Variants in SH3D19 observed in about 807,000 individuals in gnomAD.
The protein encoded by SH3D19 is SH3 domain-containing protein 19.
SH3D19 carries 58 observed loss-of-function variants against 112.1 expected under a neutral mutation model. The observed-to-expected ratio is 0.52, with a 90% CI of 0.42 to 0.64. The LOEUF (loss-of-function observed/expected upper bound fraction) is 0.64. SH3D19 is among the 30% of genes least tolerant of loss of function. SH3D19 has a pLI of 0.00. For synonymous variants in SH3D19, 391 were observed against 448.5 expected (o/e 0.87, Z 1.62); for missense variants, 1,090 against 1,263.4 (o/e 0.86, Z 2.08).
intron 9 of SH3D19, among the ~76,000 whole-genome samples, chr4:151,157,280 G>T (rs1033796881): frequency 5.3e-5 from 8 of 151,418 alleles, no homozygotes; most frequent in South Asian, 2.1e-4. Context: ...AACGGCAAAT[G>T]ATCTGGGTAT....
In SH3D19 at chr4:151,120,415, A is replaced by C. The variant is rs1174801678; in HGVS notation, c.*1676T>G. 1 of 152,620 alleles carries C rather than the reference A, an allele frequency of 6.6e-6. No individual in the cohort carries two copies. The highest frequency in any genetic ancestry group is 1.9e-4 in the East Asian group (1 of 5,198). The allele number at this position is 152,620 out of a possible 1,614,324, so 9.5% of individuals were successfully genotyped here. On this transcript the variant is annotated 3_prime_UTR_variant, in exon 20 of 20. Transcript: ENST00000604030. ...ATAAAGATAGGTTTTCAGAATCTTC[A>C]ATATAAGATGTTAAAATTATAAAGG... is the stretch of plus-strand genomic sequence containing the variant.
chr4:151,202,469 G>C (rs1764532735), intron 2 of SH3D19, among the ~76,000 whole-genome samples: 1 of 152,204 alleles, frequency 6.6e-6, no homozygotes, highest in Non-Finnish European at 1.5e-5. Context: ...TTTTAGAACT[G>C]GTGTGGCACT....
At chr4:151,159,083 A>G (rs1012959106) in intron 9 of SH3D19, among the ~76,000 whole-genome samples, 157 bp downstream of exon 9, 1 of 152,216 alleles carries the variant, frequency 6.6e-6, no homozygotes, top group African/African-American at 2.4e-5. Flanking sequence ...ATTGAACACT[A>G]TATTATATAA....
chr4:151,274,325 C>T (rs1773431446), intron 1 of SH3D19, among the ~76,000 whole-genome samples: 1 of 152,118 alleles, frequency 6.6e-6, no homozygotes, highest in African/African-American at 2.4e-5. Flanking sequence ...TGAGATATAG[C>T]AAACCTGGCA....
chr4:151,226,323 A>G (rs1022521777), intron 1 of SH3D19: 2 of 1,173,888 alleles, frequency 1.7e-6, no homozygotes, highest in Non-Finnish European at 2.1e-6. Context: ...AAAATGCATC[A>G]TTACATGCAT....
intron 18 of SH3D19, 65 bp downstream of exon 18, chr4:151,128,105 T>C: frequency 5.3e-6 from 7 of 1,331,864 alleles, no homozygotes; most frequent in Non-Finnish European, 7.1e-6. Context: ...GAAAGGAATG[T>C]ATATAGTTTT....
At chr4:151,321,891 C>T (rs1397102423) in intron 1 of SH3D19, among the ~76,000 whole-genome samples, 1 of 152,164 alleles carries the variant, frequency 6.6e-6, no homozygotes. Flanking sequence ...TCCTCTCTTC[C>T]TTGTTTGTAA....
intron 1 of SH3D19, among the ~76,000 whole-genome samples, chr4:151,258,731 G>C (rs377168074): frequency 6.6e-6 from 1 of 152,184 alleles, no homozygotes; most frequent in African/African-American, 2.4e-5. Context: ...GATCTGGCAG[G>C]GGGTGAAGAC....
At chr4:151,278,453 GA>G (rs375077069) in intron 1 of SH3D19, among the ~76,000 whole-genome samples, 6 of 141,982 alleles carry the variant, frequency 4.2e-5, no homozygotes, top group Admixed American at 2.1e-4. Context: ...CCCAAAAGAA[GA>G]AAAAAAAAAC....
intron 14 of SH3D19, among the ~76,000 whole-genome samples, chr4:151,135,420 C>CCT (rs1579686237): frequency 2.2e-5 from 2 of 92,882 alleles, no homozygotes; most frequent in African/African-American, 4.0e-5. Context: ...TTCTCTATCT[C>CCT]ATTTTTTTTT....
At position 151,165,581 on chromosome 4, in the gene SH3D19, G is replaced by A. The variant is rs758722023; in HGVS notation, c.1642+8C>T. On this transcript the variant is annotated splice_region_variant and intron_variant, in intron 8 of 19. Coordinates refer to ENST00000604030, the MANE Select transcript of SH3D19 (RefSeq NM_001378122.1). Reference sequence around the variant, plus strand: ...AGAAGCTAATAAAGAAAGCAGAGAAGTGCTTACATTTTCCTGGTTTGGCTG... The same window carrying A: ...AGAAGCTAATAAAGAAAGCAGAGAAATGCTTACATTTTCCTGGTTTGGCTG... The A allele has an allele frequency of 8.7e-6, 14 of 1,605,236 alleles. No individual in the cohort carries two copies. Among genetic ancestry groups the A allele is most frequent in the African/African-American group, 1.3e-5 (1 of 74,742 alleles).
chr4:151,282,429 G>C, intron 1 of SH3D19: 1 of 1,612,708 alleles, frequency 6.2e-7, no homozygotes, highest in Non-Finnish European at 8.5e-7. Context: ...AATGGGCAGA[G>C]AGAAGGGTTG....
chr4:151,187,364 T>G, intron 3 of SH3D19, 59 bp downstream of exon 3: 1 of 1,029,862 alleles, frequency 9.7e-7, no homozygotes, highest in Non-Finnish European at 1.2e-6. Flanking sequence ...GCTGGAAATC[T>G]AAATCATCAC....
chr4:151,140,004 AATT>A lies in SH3D19; in HGVS notation c.2224-160_2224-158del, dbSNP rs1752702052. ...ACCACACAGTTGAGCCAAACAAGGG[AATT>A]ATTATCAAGTTGAAGAAGAATGTGT... is the stretch of plus-strand genomic sequence containing the variant. On this transcript the variant is annotated intron_variant, in intron 12 of 19. Transcript: ENST00000604030. 6 of 552,928 alleles carry A rather than the reference AATT, an allele frequency of 1.1e-5. No homozygotes were observed. In the South Asian group the frequency reaches 1.3e-4, roughly 12 times the overall value. The allele number at this position is 552,928 out of a possible 1,614,324, so 34.3% of individuals were successfully genotyped here. A position where few individuals can be genotyped will look rare whatever the true frequency, so the allele number is the denominator to read the frequency against.
At chr4:151,150,542 C>T (rs1754872783) in intron 9 of SH3D19, among the ~76,000 whole-genome samples, 1 of 151,736 alleles carries the variant, frequency 6.6e-6, no homozygotes, top group South Asian at 2.1e-4. Flanking sequence ...GTAAAAGAAA[C>T]TTGCAGGATG....
chr4:151,180,769 C>CTTTTTTTTTTTTTT, intron 3 of SH3D19, among the ~76,000 whole-genome samples: 1 of 138,336 alleles, frequency 7.2e-6, no homozygotes, highest in Non-Finnish European at 1.6e-5. Context: ...TTCTTTATTT[C>CTTTTTTTTTTTTTT]TTTTTTTTTT....
chr4:151,323,367 C>T (rs754090990), intron 1 of SH3D19, among the ~76,000 whole-genome samples: 5 of 152,220 alleles, frequency 3.3e-5, no homozygotes, highest in Non-Finnish European at 5.9e-5. Flanking sequence ...TCAGTTCATA[C>T]CCTCTCACTT....
chr4:151,308,008 T>C (rs778392637), intron 1 of SH3D19, among the ~76,000 whole-genome samples: 2 of 152,132 alleles, frequency 1.3e-5, no homozygotes, highest in Non-Finnish European at 2.9e-5. Flanking sequence ...CGGGTTCAAG[T>C]GATTTTCCTG....
At position 151,298,764 on chromosome 4, in the gene SH3D19, A is replaced by G. The variant is rs1356357987; in HGVS notation, c.112+26477T>C. 2.0e-5 allele frequency among the ~76,000 whole-genome samples: 3 copies of G among 152,194 alleles called. No individual in the cohort carries two copies. The East Asian group carries it at 5.8e-4, about 29-fold the overall frequency. The stretch of plus-strand genomic sequence containing the variant: ...ATTTCAAGATGTTCAAGAATTCCCT[A>G]TATTCATAGAACTCCCAGAACATTA... On this transcript the variant is annotated intron_variant, in intron 1 of 19. Coordinates refer to ENST00000604030, the MANE Select transcript of SH3D19 (RefSeq NM_001378122.1).
Sources: allele counts gnomAD v4.1 joint callset (sites outside exome capture counted in the v4.1 genomes callset), GRCh38; gene constraint gnomAD v4.1.1; transcripts MANE v1.5; gene names NCBI Gene and HGNC (gene_info 2026-07-23, HGNC 2026-07-21).